Variants in PDE3A observed in about 807,000 individuals in gnomAD.
PDE3A encodes the protein cGMP-inhibited 3',5'-cyclic phosphodiesterase 3A.
A neutral mutation model predicts 98.3 loss-of-function variants in PDE3A; 43 were observed. The observed-to-expected ratio is 0.44, with a 90% CI of 0.34 to 0.56. PDE3A has a LOEUF of 0.56. PDE3A is among the 20% of genes least tolerant of loss of function. The pLI is 0.01. For missense variants in PDE3A, 1,427 were observed against 1,440.7 expected, an observed-to-expected ratio of 0.99 and a Z score of 0.15; for synonymous variants, 663 against 567.9, an observed-to-expected ratio of 1.17 and a Z score of -2.38.
intron 1 of PDE3A, among the ~76,000 whole-genome samples, chr12:20,533,636 A>C (rs1430884571): frequency 1.3e-5 from 2 of 151,244 alleles, no homozygotes; most frequent in African/African-American, 2.4e-5. Context: ...CGCCACCACC[A>C]CACCCAGCTA....
intron 1 of PDE3A, among the ~76,000 whole-genome samples, chr12:20,410,600 A>G (rs1340049707): frequency 1.3e-5 from 2 of 152,084 alleles, no homozygotes; most frequent in East Asian, 3.9e-4. Context: ...TTTTTCATCA[A>G]AAGATGATGT....
intron 2 of PDE3A, among the ~76,000 whole-genome samples, chr12:20,593,151 A>G (rs916214454): frequency 6.6e-6 from 1 of 152,190 alleles, no homozygotes; most frequent in African/African-American, 2.4e-5. Flanking sequence ...GTTTTTATAT[A>G]TTAAAGTTGA....
chr12:20,679,943 CTT>C, intron 15 of PDE3A, 85 bp from the exon 16 acceptor site: 1 of 627,090 alleles, frequency 1.6e-6, no homozygotes. Context: ...ATTAACTCCT[CTT>C]AATTATCTGA....
At chr12:20,648,575 T>C in intron 12 of PDE3A, 113 bp from the exon 13 acceptor site, 1 of 712,302 alleles carries the variant, frequency 1.4e-6, no homozygotes, top group South Asian at 1.6e-5. Context: ...AGTTACGTGA[T>C]TACATTTCTT....
chr12:20,564,399 G>A lies in PDE3A; in HGVS notation c.1011+7689G>A, dbSNP rs79271943. 7.9e-3 allele frequency among the ~76,000 whole-genome samples: 1,203 copies of A among 152,216 alleles called. 15 individuals are homozygous for A. The highest frequency in any genetic ancestry group is 0.028 in the African/African-American group (1,153 of 41,554). On this transcript the variant is annotated intron_variant, in intron 2 of 15. Transcript: ENST00000359062. ...GGAAAATGAGAACATGTTTCTTCAAGCATTTATGCTTTCAGGTTTTCAGGT... is the reference window on the plus strand; with the variant it reads ...GGAAAATGAGAACATGTTTCTTCAAACATTTATGCTTTCAGGTTTTCAGGT...
At chr12:20,520,358 CT>C (rs1430951556) in intron 1 of PDE3A, among the ~76,000 whole-genome samples, 1 of 152,090 alleles carries the variant, frequency 6.6e-6, no homozygotes, top group Non-Finnish European at 1.5e-5. Flanking sequence ...GCATATTTAG[CT>C]AATTATTTGA....
chr12:20,538,863 C>T (rs951393269), intron 1 of PDE3A, among the ~76,000 whole-genome samples: 1 of 151,972 alleles, frequency 6.6e-6, no homozygotes, highest in Admixed American at 6.6e-5. Context: ...CCGGGCTGGT[C>T]TTGAACTCCT....
chr12:20,548,412 G>A (rs993974610), intron 1 of PDE3A, among the ~76,000 whole-genome samples: 23 of 151,976 alleles, frequency 1.5e-4, no homozygotes, highest in Admixed American at 1.4e-3. Flanking sequence ...ACTAGCCAGA[G>A]GGTATTTTTT....
chr12:20,512,248 A>G (rs1177369325), intron 1 of PDE3A, among the ~76,000 whole-genome samples: 5 of 151,732 alleles, frequency 3.3e-5, no homozygotes, highest in Admixed American at 2.0e-4. Flanking sequence ...CAGAAAAGTG[A>G]AGGGGGCTAG....
At chr12:20,415,760 A>G (rs1040729348) in intron 1 of PDE3A, among the ~76,000 whole-genome samples, 1 of 152,062 alleles carries the variant, frequency 6.6e-6, no homozygotes, top group Admixed American at 6.6e-5. Context: ...TTAATTCCTC[A>G]TCCAATGATA....
At chr12:20,534,720 C>T (rs925609333) in intron 1 of PDE3A, among the ~76,000 whole-genome samples, 6 of 152,078 alleles carry the variant, frequency 3.9e-5, no homozygotes, top group Admixed American at 3.3e-4. Flanking sequence ...ATATTTTTCC[C>T]CTTTGAAATG....
chr12:20,647,606 A>C (rs1483126229), intron 12 of PDE3A, among the ~76,000 whole-genome samples: 1 of 152,022 alleles, frequency 6.6e-6, no homozygotes, highest in African/African-American at 2.4e-5. Flanking sequence ...ACATTCTGAG[A>C]TCCTCTGTTC....
At chr12:20,465,055 G>A (rs991366083) in intron 1 of PDE3A, among the ~76,000 whole-genome samples, 7 of 151,966 alleles carry the variant, frequency 4.6e-5, no homozygotes, top group African/African-American at 1.4e-4. Context: ...GTGTTTTAAG[G>A]TTCATCATAC....
chr12:20,458,914 A>G (rs2084631913), intron 1 of PDE3A, among the ~76,000 whole-genome samples: 1 of 152,198 alleles, frequency 6.6e-6, no homozygotes, highest in Admixed American at 6.5e-5. Context: ...ATGATTGAAA[A>G]ATGCTTATAG....
At chr12:20,526,321 A>T (rs1946517112) in intron 1 of PDE3A, among the ~76,000 whole-genome samples, 1 of 152,240 alleles carries the variant, frequency 6.6e-6, no homozygotes, top group African/African-American at 2.4e-5. Flanking sequence ...TCTGTATTTT[A>T]AATGAGCCAG....
At chr12:20,474,696 C>G (rs538676470) in intron 1 of PDE3A, among the ~76,000 whole-genome samples, 1 of 152,188 alleles carries the variant, frequency 6.6e-6, no homozygotes, top group Non-Finnish European at 1.5e-5. Flanking sequence ...TCAAAGGCAG[C>G]AGTTTAGCAT....
rs1463103002 is a variant in PDE3A at position 20,680,324 on chromosome 12, C to T, written c.*53C>T. On this transcript the variant is annotated 3_prime_UTR_variant, in exon 16 of 16. Transcript: ENST00000359062. ...AACAGATTGACTTGTCAAAGACTCT[C>T]TTCAAGCCAGCACAACATTTAGACA... 4 of 1,581,156 alleles carry T rather than the reference C, an allele frequency of 2.5e-6. No homozygotes were observed. Among genetic ancestry groups the T allele is most frequent in the Admixed American group, 1.7e-5 (1 of 57,782 alleles).
rs148199058 is a variant in PDE3A at position 20,414,008 on chromosome 12, G to C, written c.960+43764G>C. 5.3e-3 allele frequency among the ~76,000 whole-genome samples: 805 copies of C among 152,316 alleles called. 5 individuals carry two copies. Among genetic ancestry groups the C allele is most frequent in the African/African-American group, 0.018 (764 of 41,564 alleles). The stretch of plus-strand genomic sequence containing the variant: ...AATAGCTTTCAGGTTTATACCTTGA[G>C]TAGTTCTGTGAAAGGTGATGATAGA... On this transcript the variant is annotated intron_variant, in intron 1 of 15. Coordinates refer to ENST00000359062, the MANE Select transcript of PDE3A (RefSeq NM_000921.5).
At chr12:20,444,598 A>C (rs2120858522) in intron 1 of PDE3A, among the ~76,000 whole-genome samples, 1 of 152,334 alleles carries the variant, frequency 6.6e-6, no homozygotes, top group South Asian at 2.1e-4. Context: ...ACAACAAATT[A>C]TTGACATTTA....
Sources: allele counts gnomAD v4.1 joint callset (sites outside exome capture counted in the v4.1 genomes callset), GRCh38; gene constraint gnomAD v4.1.1; transcripts MANE v1.5; gene names NCBI Gene and HGNC (gene_info 2026-07-23, HGNC 2026-07-21).